FLT4: variants seen among roughly 807,000 people sequenced by gnomAD.
FLT4 encodes the protein fms related receptor tyrosine kinase 4.
In FLT4, 30 loss-of-function variants were observed where a neutral mutation model predicts 163.2. The observed-to-expected ratio is 0.18, with a 90% CI of 0.14 to 0.25. FLT4 has a LOEUF of 0.25. Ranked by LOEUF, FLT4 falls within the 10% of genes least tolerant of loss-of-function variation. The pLI is 1.00. For missense variants in FLT4, 1,510 were observed against 1,863.8 expected (o/e 0.81, Z 3.50); for synonymous variants, 884 against 789.5 (o/e 1.12, Z -2.01).
At chr5:180,638,446 C>T (rs978807171) in intron 1 of FLT4, among the ~76,000 whole-genome samples, 8 of 152,218 alleles carry the variant, frequency 5.3e-5, no homozygotes, top group Non-Finnish European at 7.3e-5. Flanking sequence ...CACAGCTGCA[C>T]GCACCCCAAA....
At chr5:180,618,113 G>A (rs112024488) in intron 21 of FLT4, among the ~76,000 whole-genome samples, 30 of 26,872 alleles carry the variant, frequency 1.1e-3, no homozygotes, top group South Asian at 5.0e-3. Context: ...CAGCCTCTGG[G>A]ACACCCACAT....
chr5:180,621,043 G>A (rs754133583), intron 14 of FLT4, 36 bp from the exon 15 acceptor site: 27 of 1,611,804 alleles, frequency 1.7e-5, no homozygotes, highest in South Asian at 9.9e-5. Context: ...GGTCCACCTG[G>A]GTTTGGGATC....
At chr5:180,622,937 A>C (rs1249679305) in intron 11 of FLT4, 98 bp from the exon 12 acceptor site, 21 of 758,072 alleles carry the variant, frequency 2.8e-5, no homozygotes, top group Middle Eastern at 3.3e-4. Flanking sequence ...CACCCCCCCC[A>C]ATCATGGGGG....
At chr5:180,619,396 C>T (rs1488069657) in intron 18 of FLT4, 30 bp from the exon 19 acceptor site, 2 of 1,557,176 alleles carry the variant, frequency 1.3e-6, no homozygotes, top group Non-Finnish European at 1.8e-6. Flanking sequence ...CACACCGGCC[C>T]CGACCCTGGC....
rs1469141127 is a variant in FLT4, at chr5:180,618,907, T to C, written c.2864A>G (p.Glu955Gly). 1.3e-5 allele frequency: 20 copies of C among 1,585,724 alleles called. No individual in the cohort carries two copies. The highest frequency in any genetic ancestry group is 5.4e-5 in the African/African-American group (4 of 74,716). Residue 955 changes from glutamate (E) to glycine (G), a missense_variant, in exon 21 of 30, where the codon GAG becomes GGG. Coordinates refer to ENST00000261937, the MANE Select transcript of FLT4 (RefSeq NM_182925.5). ...CATGGCGCGGAAGCGTCCGCGCTGCTCGGGAGACTTCTCCTGCGGATGCAC... is the reference window on the plus strand; with the variant it reads ...CATGGCGCGGAAGCGTCCGCGCTGCCCGGGAGACTTCTCCTGCGGATGCAC... The part of the protein sequence containing the change: ...AFSPCAEKSP[E>G]QRGRFRAMVE...
chr5:180,604,457 C>A (rs572709541), intron 29 of FLT4, among the ~76,000 whole-genome samples: 1 of 152,228 alleles, frequency 6.6e-6, no homozygotes, highest in South Asian at 2.1e-4. Context: ...CATCCTCCCG[C>A]GGACTGCTGT....
intron 13 of FLT4, 54 bp from the exon 14 acceptor site, chr5:180,621,306 C>A: frequency 6.4e-7 from 1 of 1,574,068 alleles, no homozygotes; most frequent in South Asian, 1.1e-5. Flanking sequence ...GCAGGAGGAC[C>A]CTCTTTGGGC....
chr5:180,631,353 G>A (rs926253815), intron 2 of FLT4, among the ~76,000 whole-genome samples: 2 of 152,064 alleles, frequency 1.3e-5, no homozygotes, highest in African/African-American at 4.8e-5. Flanking sequence ...GGCACCTGTA[G>A]TCCCAGCTAC....
intron 1 of FLT4, among the ~76,000 whole-genome samples, chr5:180,647,990 C>T (rs899168): frequency 0.18 from 28,110 of 152,168 alleles, 3,118 homozygotes; most frequent in Middle Eastern, 0.29. Flanking sequence ...CTGGGCCCCT[C>T]CTCCAGGGTT....
rs1361571811 is a variant in FLT4, at chr5:180,601,753, A to T, written c.*1439T>A. On this transcript the variant is annotated 3_prime_UTR_variant, in exon 30 of 30. Transcript: ENST00000261937. ...TCCCACGTTGGACGACGTGCAGAGGAAGGGGGAGGTCCACGGGGACGACGA... is the reference window on the plus strand; with the variant it reads ...TCCCACGTTGGACGACGTGCAGAGGTAGGGGGAGGTCCACGGGGACGACGA... 1 of 232,994 alleles carries T rather than the reference A, an allele frequency of 4.3e-6. No individual in the cohort carries two copies. Among genetic ancestry groups the T allele is most frequent in the Non-Finnish European group, 8.5e-6 (1 of 117,980 alleles). The allele number at this position is 232,994 out of a possible 1,614,324, so 14.4% of individuals were successfully genotyped here. A position where few individuals can be genotyped will look rare whatever the true frequency, so the allele number is the denominator to read the frequency against.
In FLT4 at chr5:180,621,661, G is replaced by A. The variant is rs2127816848; in HGVS notation, c.1901C>T (p.Ala634Val). Residue 634 changes from alanine (A) to valine (V), a missense_variant, in exon 13 of 30, where the codon GCC (alanine) becomes GTC (valine). By Grantham distance (64) the Ala-to-Val change is moderately conservative. Transcript: ENST00000261937. The part of the protein sequence containing the change: ...LEEVAPGARH[A>V]TLSLSIPRVA... ...GCGGGGGATACTCAGGCTGAGCGTG[G>A]CGTGGCGCGCCCCAGGTGCCACCTC... The A allele has an allele frequency of 6.2e-7, 1 of 1,609,676 alleles. No homozygotes were observed. The highest frequency in any genetic ancestry group is 1.1e-5 in the South Asian group (1 of 90,970).
Position 180,631,921 on chromosome 5 carries a change from TGGCCTCAC to T in FLT4, c.59-151_59-144del. 11 of 123,540 alleles carry T rather than the reference TGGCCTCAC, an allele frequency of 8.9e-5. No individual in the cohort carries two copies. In the Admixed American group the frequency reaches 1.7e-3, roughly 19 times the overall value. The allele number at this position is 123,540 out of a possible 1,614,324, so 7.7% of individuals were successfully genotyped here. A position where few individuals can be genotyped will look rare whatever the true frequency, so the allele number is the denominator to read the frequency against. On this transcript the variant is annotated intron_variant, in intron 1 of 29. Coordinates refer to ENST00000261937, the MANE Select transcript of FLT4 (RefSeq NM_182925.5). Reference sequence around the variant, plus strand: ...GGTTCTCAGCCAGCACCGCGTGGCCTGGCCTCACCATGTGCGCCGTGAGCAGCACCAGC... The same window carrying T: ...GGTTCTCAGCCAGCACCGCGTGGCCTCATGTGCGCCGTGAGCAGCACCAGC...
rs1761589598 is a variant in FLT4, at chr5:180,602,931, T to A, written c.*261A>T. ...TGGCCCCGGGACCAGCACCTGCGGA[T>A]GCTGAACTAAATGACATCTGAATCT... On this transcript the variant is annotated 3_prime_UTR_variant, in exon 30 of 30. Coordinates refer to ENST00000261937, the MANE Select transcript of FLT4 (RefSeq NM_182925.5). 1.7e-6 allele frequency: 1 copy of A among 594,044 alleles called. No individual in the cohort carries two copies. The highest frequency in any genetic ancestry group is 3.0e-6 in the Non-Finnish European group (1 of 332,830). 36.8% of individuals were successfully genotyped at this position (594,044 alleles called of 1,614,324 possible). A position where few individuals can be genotyped will look rare whatever the true frequency, so the allele number is the denominator to read the frequency against.
intron 1 of FLT4, among the ~76,000 whole-genome samples, chr5:180,647,763 G>T (rs563219690): frequency 3.0e-4 from 46 of 152,160 alleles, no homozygotes; most frequent in African/African-American, 1.0e-3. Flanking sequence ...CCCAGGTCCA[G>T]CCCAGGACAC....
At chr5:180,615,352 C>A (rs368267225) in intron 23 of FLT4, among the ~76,000 whole-genome samples, 1 of 150,800 alleles carries the variant, frequency 6.6e-6, no homozygotes, top group Non-Finnish European at 1.5e-5. Context: ...CCGCTGGTCA[C>A]CTCCCTTCTC....
chr5:180,605,330 C>A (rs894079121), intron 29 of FLT4, among the ~76,000 whole-genome samples: 2 of 152,076 alleles, frequency 1.3e-5, no homozygotes, highest in African/African-American at 4.8e-5. Flanking sequence ...TCACATTGTC[C>A]GTCCATTTCT....
chr5:180,626,765 C>T (rs987575739), intron 8 of FLT4, among the ~76,000 whole-genome samples: 1 of 152,190 alleles, frequency 6.6e-6, no homozygotes, highest in African/African-American at 2.4e-5. Flanking sequence ...CAGTCTAGCT[C>T]CTTGACATGT....
chr5:180,649,309 T>C (rs1490991535), intron 1 of FLT4, among the ~76,000 whole-genome samples, 179 bp downstream of exon 1: 1 of 151,182 alleles, frequency 6.6e-6, no homozygotes, highest in African/African-American at 2.4e-5. Context: ...CGCCCGCCCC[T>C]TCCTCATCCC....
rs1179532857 is a variant in FLT4 at position 180,613,501 on chromosome 5, CCCCAACCCCTGCTGCTCCT to C, written c.3332-410_3332-392del. The C allele has an allele frequency of 3.1e-4, 79 of 257,146 alleles. 1 individual carries two copies. Among genetic ancestry groups the C allele is most frequent in the Admixed American group, 7.0e-4 (14 of 19,884 alleles). The allele number at this position is 257,146 out of a possible 1,614,324, so 15.9% of individuals were successfully genotyped here. A position where few individuals can be genotyped will look rare whatever the true frequency, so the allele number is the denominator to read the frequency against. On this transcript the variant is annotated intron_variant, in intron 24 of 29. Transcript: ENST00000261937. ...TGCTCCCCCCAACCCCTGCTGCTCC[CCCCAACCCCTGCTGCTCCT>C]CCCAACCCCTGCTGCTCCCCGTCCT...
Sources: gnomAD v4.1 joint callset for allele counts (sites outside exome capture counted in the v4.1 genomes callset) on GRCh38, gnomAD v4.1.1 for gene constraint, MANE v1.5 for transcripts, NCBI Gene and HGNC (gene_info 2026-07-23, HGNC 2026-07-21) for gene names.